CSMD1: variants seen among roughly 807,000 people sequenced by gnomAD.
CSMD1 encodes CUB and sushi domain-containing protein 1.
Under a neutral mutation model 417.5 loss-of-function variants are expected in CSMD1, and 213 were observed. The ratio of observed to expected loss-of-function variants is 0.51; its 90% confidence interval spans 0.46 to 0.57. CSMD1 has a LOEUF of 0.57. CSMD1 is among the 20% of genes least tolerant of loss of function. The probability of loss-of-function intolerance (pLI) is 0.00; values close to 1 mark genes in which losing one functional copy is unlikely to be tolerated. For missense variants in CSMD1, 6,923 were observed against 4,529.7 expected (o/e 1.53, Z -15.17); for synonymous variants, 2,862 against 1,736.8 (o/e 1.65, Z -16.11).
intron 2 of CSMD1, among the ~76,000 whole-genome samples, chr8:4,625,123 C>G (rs1010714378): frequency 1.3e-5 from 2 of 152,086 alleles, no homozygotes; most frequent in Non-Finnish European, 2.9e-5. Flanking sequence ...GACAAGAGAA[C>G]TATGACATGA....
chr8:3,030,323 A>G (rs1224655569), intron 50 of CSMD1, among the ~76,000 whole-genome samples: 1 of 152,052 alleles, frequency 6.6e-6, no homozygotes, highest in East Asian at 1.9e-4. Context: ...AACCAGAACC[A>G]TTTCTCTAAT....
At chr8:3,354,539 G>A (rs879395091) in intron 21 of CSMD1, among the ~76,000 whole-genome samples, 4 of 151,880 alleles carry the variant, frequency 2.6e-5, no homozygotes, top group Non-Finnish European at 5.9e-5. Context: ...GCCCGTAATA[G>A]AAGTCTATAT....
At chr8:4,166,091 T>C (rs1436977792) in intron 3 of CSMD1, among the ~76,000 whole-genome samples, 1 of 152,168 alleles carries the variant, frequency 6.6e-6, no homozygotes, top group African/African-American at 2.4e-5. Flanking sequence ...ATTACATTCT[T>C]AATGATGAGG....
chr8:4,576,602 C>G (rs1799148252), intron 2 of CSMD1, among the ~76,000 whole-genome samples: 1 of 152,102 alleles, frequency 6.6e-6, no homozygotes, highest in Non-Finnish European at 1.5e-5. Flanking sequence ...CATCCAGTAT[C>G]TAGCTTACTC....
rs150408558 is a variant in CSMD1, at chr8:3,015,589, T to A, written c.8029+2888A>T. Among the ~76,000 whole-genome samples the A allele has an allele frequency of 3.7e-4, 56 of 152,122 alleles. 1 individual carries two copies. Among genetic ancestry groups the A allele is most frequent in the African/African-American group, 1.3e-3 (53 of 41,514 alleles). On this transcript the variant is annotated intron_variant, in intron 52 of 69. Coordinates refer to ENST00000635120, the MANE Select transcript of CSMD1 (RefSeq NM_033225.6). The stretch of plus-strand genomic sequence containing the variant: ...ACAAAAAAAAGGACCCAAACTCACA[T>A]GGCGTCTTGTGAAATTATATATATA...
At chr8:4,307,504 C>A (rs1471457368) in intron 3 of CSMD1, among the ~76,000 whole-genome samples, 2 of 152,162 alleles carry the variant, frequency 1.3e-5, no homozygotes, top group Non-Finnish European at 2.9e-5. Context: ...CTTCACTACC[C>A]TGTTATGTCA....
intron 7 of CSMD1, among the ~76,000 whole-genome samples, chr8:3,670,296 GC>G (rs1184383853): frequency 6.6e-6 from 1 of 151,908 alleles, no homozygotes; most frequent in Non-Finnish European, 1.5e-5. Context: ...CTTCTCCTGT[GC>G]CGGATGCTTC....
At chr8:4,915,426 G>C (rs56695129) in intron 1 of CSMD1, among the ~76,000 whole-genome samples, 3,875 of 152,254 alleles carry the variant, frequency 0.025, 162 homozygotes, top group African/African-American at 0.089. Context: ...CTGTGTTGTC[G>C]AGTATAGATT....
intron 7 of CSMD1, among the ~76,000 whole-genome samples, chr8:3,683,094 C>G (rs1211821791): frequency 6.6e-6 from 1 of 151,850 alleles, no homozygotes; most frequent in Non-Finnish European, 1.5e-5. Context: ...ATACCTAATG[C>G]TAAATGACAA....
At chr8:3,683,234 T>C (rs891126490) in intron 7 of CSMD1, among the ~76,000 whole-genome samples, 1 of 151,260 alleles carries the variant, frequency 6.6e-6, no homozygotes, top group Non-Finnish European at 1.5e-5. Context: ...AATAAAATAA[T>C]AAAAAATAAA....
At chr8:3,840,134 G>C (rs902769418) in intron 5 of CSMD1, among the ~76,000 whole-genome samples, 2 of 152,040 alleles carry the variant, frequency 1.3e-5, no homozygotes, top group Non-Finnish European at 2.9e-5. Flanking sequence ...TGAACAGCTT[G>C]CTTCCTTTAT....
chr8:4,503,879 G>T (rs530019174), intron 2 of CSMD1, among the ~76,000 whole-genome samples: 1 of 150,436 alleles, frequency 6.6e-6, no homozygotes, highest in East Asian at 2.0e-4. Flanking sequence ...GTAAACAAGA[G>T]ATTTTCCTCT....
At chr8:4,081,063 A>G (rs541646202) in intron 3 of CSMD1, among the ~76,000 whole-genome samples, 1 of 152,162 alleles carries the variant, frequency 6.6e-6, no homozygotes, top group Non-Finnish European at 1.5e-5. Flanking sequence ...CCCTTGGGTA[A>G]TTCAGTAAGA....
chr8:4,140,841 A>C (rs1803743241), intron 3 of CSMD1, among the ~76,000 whole-genome samples: 1 of 150,990 alleles, frequency 6.6e-6, no homozygotes, highest in Admixed American at 6.6e-5. Context: ...CCAGGTTTCA[A>C]ATCAAATCTC....
chr8:3,572,111 G>A (rs977384011), intron 10 of CSMD1, among the ~76,000 whole-genome samples: 1 of 152,202 alleles, frequency 6.6e-6, no homozygotes, highest in Admixed American at 6.5e-5. Flanking sequence ...GCTAGGGATG[G>A]CTGCAGAGCT....
Position 3,308,457 on chromosome 8 carries a change from G to A in CSMD1, c.3678C>T (p.Gly1226=), listed in dbSNP as rs757040661. ...AGTGGCCTTCATCACGGATCCTATA[G>A]CCGTAGTTAGGGATGCCCGGATCCT... ...KCEDPGIPNY[G]YRIRDEGHFT... is the part of the protein sequence containing the mutation. The change falls in exon 24 of 70, where the codon GGC becomes GGT. Residue 1226 remains glycine, a synonymous_variant. Transcript: ENST00000635120. The A allele has an allele frequency of 9.9e-6, 16 of 1,613,492 alleles. No individual in the cohort carries two copies. In the African/African-American group the frequency reaches 1.9e-4, roughly 19 times the overall value.
At chr8:4,217,151 G>A (rs1800732549) in intron 3 of CSMD1, among the ~76,000 whole-genome samples, 1 of 152,158 alleles carries the variant, frequency 6.6e-6, no homozygotes, top group South Asian at 2.1e-4. Flanking sequence ...GAAAAGCCCA[G>A]AAATAACTAC....
intron 10 of CSMD1, among the ~76,000 whole-genome samples, chr8:3,520,625 G>C (rs545606514): frequency 6.6e-6 from 1 of 152,174 alleles, no homozygotes; most frequent in Admixed American, 6.5e-5. Flanking sequence ...TTCACTGGCT[G>C]TTTCCTGGTT....
chr8:4,260,105 A>ACT (rs1468273472), intron 3 of CSMD1, among the ~76,000 whole-genome samples: 1 of 152,068 alleles, frequency 6.6e-6, no homozygotes, highest in African/African-American at 2.4e-5. Context: ...AAATTGCTAG[A>ACT]CTCTTCAACA....
Sources: allele counts gnomAD v4.1 joint callset (sites outside exome capture counted in the v4.1 genomes callset), GRCh38; gene constraint gnomAD v4.1.1; transcripts MANE v1.5; gene names NCBI Gene and HGNC (gene_info 2026-07-23, HGNC 2026-07-21).